Variants in RGS6 observed in about 807,000 individuals in gnomAD.
RGS6 encodes regulator of G-protein signaling 6.
RGS6 carries 30 observed loss-of-function variants against 78.5 expected under a neutral mutation model. The ratio of observed to expected loss-of-function variants is 0.38; its 90% CI spans 0.29 to 0.52. The LOEUF is 0.52. RGS6 is among the 20% of genes least tolerant of loss of function. RGS6 has a pLI of 0.85. For synonymous variants in RGS6, 206 were observed against 206.0 expected, an observed-to-expected ratio of 1.00 and a Z score of 0.00; for missense variants, 495 against 609.7, an observed-to-expected ratio of 0.81 and a Z score of 1.98.
intron 2 of RGS6, among the ~76,000 whole-genome samples, chr14:72,341,290 C>A (rs1286730028): frequency 6.6e-6 from 1 of 152,172 alleles, no homozygotes; most frequent in South Asian, 2.1e-4. Flanking sequence ...TTTTAAACAA[C>A]CAGATTTCAT....
intron 2 of RGS6, among the ~76,000 whole-genome samples, chr14:72,097,252 C>A (rs1409529860): frequency 6.6e-6 from 1 of 152,198 alleles, no homozygotes; most frequent in Non-Finnish European, 1.5e-5. Context: ...CTTTGAGGTG[C>A]AATTTCTATT....
chr14:71,906,791 G>GCATATGCTGAAAAGCATAATACTTTTTA, the RGS6 span, among the ~76,000 whole-genome samples: 81,529 of 151,846 alleles, frequency 0.54, 24,431 homozygotes, highest in Non-Finnish European at 0.67. Context: ...GGTCAGATCA[G>GCATATGCTGAAAAGCATAATACTTTTTA]TTTATGCTGA....
At chr14:72,435,870 G>A (rs1045453722) in intron 3 of RGS6, among the ~76,000 whole-genome samples, 1 of 150,450 alleles carries the variant, frequency 6.6e-6, no homozygotes, top group East Asian at 2.0e-4. Flanking sequence ...TCCATCTTGA[G>A]GTCCTTAATC....
At chr14:72,357,568 T>A (rs1489276825) in intron 3 of RGS6, among the ~76,000 whole-genome samples, 2 of 152,214 alleles carry the variant, frequency 1.3e-5, no homozygotes, top group Non-Finnish European at 2.9e-5. Context: ...CGTTATGCTG[T>A]AGCAAAGTCA....
In RGS6 at chr14:72,040,922, T is replaced by A. The variant is rs187196567; in HGVS notation, c.84+76047T>A. Reference sequence around the variant, plus strand: ...CTCAAGAATTTGTTAGGTTCTTTTTTAAAATAGTTTCTATTTATATTCTCA... The same window carrying A: ...CTCAAGAATTTGTTAGGTTCTTTTTAAAAATAGTTTCTATTTATATTCTCA... On this transcript the variant is annotated intron_variant, in intron 2 of 17. Transcript: ENST00000553525. Among the ~76,000 whole-genome samples the A allele has an allele frequency of 3.8e-3, 576 of 152,334 alleles. 1 individual carries two copies. The highest frequency in any genetic ancestry group is 8.2e-3 in the African/African-American group (341 of 41,588).
chr14:72,073,085 T>C (rs1668186332), intron 2 of RGS6, among the ~76,000 whole-genome samples: 1 of 152,244 alleles, frequency 6.6e-6, no homozygotes, highest in Admixed American at 6.5e-5. Context: ...AAATCCTCCT[T>C]CTGCCACTCA....
chr14:72,405,567 A>G (rs889231557), intron 3 of RGS6, among the ~76,000 whole-genome samples: 2 of 152,282 alleles, frequency 1.3e-5, no homozygotes, highest in South Asian at 4.1e-4. Flanking sequence ...TCCCAGGTTG[A>G]TTGTTGAGCG....
intron 2 of RGS6, among the ~76,000 whole-genome samples, chr14:72,145,605 A>T (rs1320099828): frequency 1.3e-5 from 2 of 152,104 alleles, no homozygotes; most frequent in Non-Finnish European, 2.9e-5. Context: ...CAGCCTCCCA[A>T]GTAGGTAGGA....
chr14:72,507,166 C>A (rs1005846267), intron 13 of RGS6, among the ~76,000 whole-genome samples: 1 of 152,070 alleles, frequency 6.6e-6, no homozygotes, highest in Non-Finnish European at 1.5e-5. Context: ...GAGACTCCAT[C>A]TCAAACAAAA....
At chr14:72,360,650 C>T (rs930003625) in intron 3 of RGS6, among the ~76,000 whole-genome samples, 1 of 151,710 alleles carries the variant, frequency 6.6e-6, no homozygotes, top group African/African-American at 2.4e-5. Context: ...TCTCTATGTT[C>T]CTAGTAATCT....
chr14:72,066,368 C>G (rs1044583524), intron 2 of RGS6, among the ~76,000 whole-genome samples: 3 of 152,052 alleles, frequency 2.0e-5, no homozygotes, highest in Non-Finnish European at 4.4e-5. Flanking sequence ...TATGTTACTG[C>G]TTCAAGCCCA....
At chr14:72,404,168 A>G (rs1279146318) in intron 3 of RGS6, among the ~76,000 whole-genome samples, 3 of 152,194 alleles carry the variant, frequency 2.0e-5, no homozygotes, top group African/African-American at 4.8e-5. Context: ...TCAAGTTTCT[A>G]TGAAGGTCTT....
At chr14:71,963,258 A>G (rs2153044706) in intron 1 of RGS6, among the ~76,000 whole-genome samples, 1 of 152,346 alleles carries the variant, frequency 6.6e-6, no homozygotes, top group African/African-American at 2.4e-5. Flanking sequence ...CATACCAAGG[A>G]TTGAACTTCC....
At chr14:72,063,092 A>G (rs1596916063) in intron 2 of RGS6, among the ~76,000 whole-genome samples, 1 of 152,124 alleles carries the variant, frequency 6.6e-6, no homozygotes, top group Non-Finnish European at 1.5e-5. Context: ...CAAAGTGCTG[A>G]GATTACAATC....
chr14:72,198,391 G>A (rs1395921964), intron 2 of RGS6, among the ~76,000 whole-genome samples: 1 of 152,180 alleles, frequency 6.6e-6, no homozygotes, highest in Non-Finnish European at 1.5e-5. Context: ...CTTGCATAAG[G>A]CCCAGGCCAT....
At chr14:72,421,920 C>G (rs1216755464) in intron 3 of RGS6, among the ~76,000 whole-genome samples, 2 of 152,176 alleles carry the variant, frequency 1.3e-5, no homozygotes, top group Non-Finnish European at 2.9e-5. Flanking sequence ...CAGAATCATT[C>G]CACAGATTAA....
intron 3 of RGS6, among the ~76,000 whole-genome samples, chr14:72,451,034 C>A (rs1356947524): frequency 6.6e-6 from 1 of 152,186 alleles, no homozygotes; most frequent in Admixed American, 6.5e-5. Context: ...CCTGGAATAC[C>A]CAATGCCTGT....
At chr14:72,176,024 A>G (rs2097100841) in intron 2 of RGS6, among the ~76,000 whole-genome samples, 1 of 152,222 alleles carries the variant, frequency 6.6e-6, no homozygotes, top group African/African-American at 2.4e-5. Context: ...TTGGAAGGAC[A>G]TGGAATCCTC....
chr14:72,257,068 G>C (rs1337088282), intron 2 of RGS6, among the ~76,000 whole-genome samples: 1 of 152,204 alleles, frequency 6.6e-6, no homozygotes, highest in Non-Finnish European at 1.5e-5. Context: ...AGTGGTGTTA[G>C]AAGTTGCTGT....
Sources: gnomAD v4.1 joint callset for allele counts (sites outside exome capture counted in the v4.1 genomes callset) on GRCh38, gnomAD v4.1.1 for gene constraint, MANE v1.5 for transcripts, NCBI Gene and HGNC (gene_info 2026-07-23, HGNC 2026-07-21) for gene names.